HCFC2: variants seen among roughly 807,000 people sequenced by gnomAD.
The protein encoded by HCFC2 is host cell factor 2.
Under a neutral mutation model 89.2 loss-of-function variants are expected in HCFC2, and 18 were observed. That is an observed-to-expected ratio of 0.20 (90% confidence interval 0.14 to 0.30). HCFC2 has a LOEUF of 0.30. HCFC2 is among the 10% of genes least tolerant of loss of function. The probability of loss-of-function intolerance (pLI) is 1.00; values close to 1 mark genes in which losing one functional copy is unlikely to be tolerated. For synonymous variants in HCFC2, 308 were observed against 335.7 expected (o/e 0.92, Z 0.90); for missense variants, 578 against 956.1 (o/e 0.60, Z 5.21).
At chr12:104,102,394 T>C (rs925158704) in intron 14 of HCFC2, among the ~76,000 whole-genome samples, 2 of 152,188 alleles carry the variant, frequency 1.3e-5, no homozygotes, top group Non-Finnish European at 2.9e-5. Context: ...TGGGGGTTTG[T>C]TGTGCACATT....
At chr12:104,101,945 C>G (rs936909913) in intron 13 of HCFC2, 23 bp from the exon 14 acceptor site, 1 of 1,498,510 alleles carries the variant, frequency 6.7e-7, no homozygotes. Context: ...TTTTCTTTGA[C>G]TTTTGCATAT....
At chr12:104,084,560 A>G (rs928637322) in intron 7 of HCFC2, among the ~76,000 whole-genome samples, 2 of 152,190 alleles carry the variant, frequency 1.3e-5, no homozygotes, top group Admixed American at 6.5e-5. Context: ...ACCACAGGAT[A>G]TAGGGCCTTG....
chr12:104,098,687 T>C (rs1593612191), intron 13 of HCFC2, among the ~76,000 whole-genome samples: 1 of 152,208 alleles, frequency 6.6e-6, no homozygotes, highest in South Asian at 2.1e-4. Flanking sequence ...ATTAGGCCAT[T>C]CTCGCATTGC....
At chr12:104,093,238 A>G in intron 9 of HCFC2, 148 bp from the exon 10 acceptor site, 1 of 528,804 alleles carries the variant, frequency 1.9e-6, no homozygotes, top group Non-Finnish European at 3.2e-6. Context: ...ATTGAAGAAT[A>G]ATCCTGTAGA....
At chr12:104,094,919 C>T (rs1430860150) in intron 10 of HCFC2, among the ~76,000 whole-genome samples, 1 of 152,134 alleles carries the variant, frequency 6.6e-6, no homozygotes, top group Non-Finnish European at 1.5e-5. Context: ...CAGGAAGATA[C>T]ATTCAGATTT....
intron 7 of HCFC2, among the ~76,000 whole-genome samples, chr12:104,085,184 T>C (rs536777090): frequency 6.6e-6 from 1 of 152,356 alleles, no homozygotes; most frequent in Non-Finnish European, 1.5e-5. Flanking sequence ...ATACATTTTC[T>C]TCAAAGCTTT....
chr12:104,098,691 G>A (rs7961275), intron 13 of HCFC2, among the ~76,000 whole-genome samples: 1,751 of 152,238 alleles, frequency 0.012, 21 homozygotes, highest in African/African-American at 0.04. Context: ...GGCCATTCTC[G>A]CATTGCTGTA....
chr12:104,102,085 A>C lies in HCFC2; in HGVS notation c.1996A>C (p.Lys666Gln), dbSNP rs2029958803. The change falls in exon 14 of 15, where the codon AAA becomes CAA. Residue 666 changes from lysine to glutamine, a missense_variant. Physicochemically the swap from Lys to Gln is moderately conservative, Grantham distance 53 (BLOSUM62 1). Around this residue, in one of 4 missense-constraint regions of HCFC2, gnomAD observed 140 missense variants for 266.4 expected, o/e 0.53. Coordinates refer to ENST00000229330, the MANE Select transcript of HCFC2 (RefSeq NM_013320.3). The part of the protein sequence containing the change: ...INGCGIGPFS[K>Q]ISEFKTCIPG... ...TGGTTGTGGGATAGGTCCTTTCAGC[A>C]AAATCAGTGAATTTAAAACTTGTAT... 6.2e-7 allele frequency: 1 copy of C among 1,613,950 alleles called. No homozygotes were observed. Among genetic ancestry groups the C allele is most frequent in the African/African-American group, 1.3e-5 (1 of 74,922 alleles).
intron 11 of HCFC2, among the ~76,000 whole-genome samples, chr12:104,096,156 G>C (rs1448917307): frequency 6.6e-6 from 1 of 151,956 alleles, no homozygotes; most frequent in Admixed American, 6.6e-5. Flanking sequence ...TGAGTTAAAG[G>C]GTCAATATTA....
rs1488799519 is a variant in HCFC2 at position 104,103,617 on chromosome 12, A to G, written c.*344A>G. On this transcript the variant is annotated 3_prime_UTR_variant, in exon 15 of 15. Coordinates refer to ENST00000229330, the MANE Select transcript of HCFC2 (RefSeq NM_013320.3). Reference sequence around the variant, plus strand: ...TAGAGTTATTGAGATGATTCTGGTAACTGGCTGTTGTATACTATGCTGTCT... The same window carrying G: ...TAGAGTTATTGAGATGATTCTGGTAGCTGGCTGTTGTATACTATGCTGTCT... 1.3e-5 allele frequency: 3 copies of G among 238,332 alleles called. No homozygotes were observed. The highest frequency in any genetic ancestry group is 6.8e-5 in the African/African-American group (3 of 43,810). The allele number at this position is 238,332 out of a possible 1,614,324, so 14.8% of individuals were successfully genotyped here. A position where few individuals can be genotyped will look rare whatever the true frequency, so the allele number is the denominator to read the frequency against.
In HCFC2 at chr12:104,095,277, A is replaced by G. The variant is rs1001276608; in HGVS notation, c.1463-83A>G. The G allele has an allele frequency of 5.7e-6, 6 of 1,061,918 alleles. No homozygotes were observed. The African/African-American group carries it at 7.9e-5, about 14-fold the overall frequency. The allele number at this position is 1,061,918 out of a possible 1,614,324, so 65.8% of individuals were successfully genotyped here. A position where few individuals can be genotyped will look rare whatever the true frequency, so the allele number is the denominator to read the frequency against. On this transcript the variant is annotated intron_variant, in intron 10 of 14. Coordinates refer to ENST00000229330, the MANE Select transcript of HCFC2 (RefSeq NM_013320.3). This position sits in a 1 kb window ranked among gnomAD's most constrained non-coding sequence, Gnocchi z 4.2. ...GTATGATTTTAAAACTGAAAGTACC[A>G]AGAATCATATGACAAGAACGATAAG...
chr12:104,098,149 C>A, intron 12 of HCFC2, 194 bp from the exon 13 acceptor site: 1 of 456,980 alleles, frequency 2.2e-6, no homozygotes, highest in Non-Finnish European at 3.8e-6. Flanking sequence ...CCTGTCACTC[C>A]TGTGTTTGAA....
At position 104,066,258 on chromosome 12, in the gene HCFC2, A is replaced by C. The variant is rs769384943; in HGVS notation, c.255A>C (p.Leu85Phe). 2 of 1,611,520 alleles carry C rather than the reference A, an allele frequency of 1.2e-6. No homozygotes were observed. Among genetic ancestry groups the C allele is most frequent in the Non-Finnish European group, 1.7e-6 (2 of 1,178,682 alleles). The part of the protein sequence containing the change: ...HGFVCDGTRI[L>F]VFGGMVEYGR... ...TTGTCTGTGATGGTACCAGAATATT[A>C]GTATTTGGGGGAATGGTTGAATATG... is the stretch of plus-strand genomic sequence containing the variant. The change falls in exon 2 of 15, where the codon TTA (leucine) becomes TTC (phenylalanine). Residue 85 changes from leucine to phenylalanine, a missense_variant. Transcript: ENST00000229330.
intron 11 of HCFC2, 23 bp from the exon 12 acceptor site, chr12:104,096,337 C>T: frequency 1.3e-6 from 2 of 1,523,036 alleles, no homozygotes; most frequent in Non-Finnish European, 1.8e-6. Flanking sequence ...TAAATCTTAT[C>T]TGATAAATTG....
intron 13 of HCFC2, 52 bp downstream of exon 13, chr12:104,098,532 A>AT (rs772741071): frequency 6.7e-7 from 1 of 1,485,970 alleles, no homozygotes; most frequent in Non-Finnish European, 9.0e-7. Context: ...CAAGGATGAG[A>AT]TTTTTCTCTA....
chr12:104,098,549 A>G, intron 13 of HCFC2, 69 bp downstream of exon 13: 3 of 1,431,682 alleles, frequency 2.1e-6, no homozygotes, highest in Non-Finnish European at 2.8e-6. Context: ...TCTACCAATA[A>G]CTTAGGGAAA....
rs759703540 is a variant in HCFC2, at chr12:104,103,278, G to A, written c.*5G>A. 3.1e-6 allele frequency: 5 copies of A among 1,598,144 alleles called. No homozygotes were observed. In the South Asian group the frequency reaches 5.6e-5, roughly 18 times the overall value. ...AAGAAAGCACCTTTAAATTGAATTG[G>A]TTTTTTTACTGAAGCTATTGTGATG... On this transcript the variant is annotated 3_prime_UTR_variant, in exon 15 of 15. Coordinates refer to ENST00000229330, the MANE Select transcript of HCFC2 (RefSeq NM_013320.3).
intron 7 of HCFC2, among the ~76,000 whole-genome samples, chr12:104,086,596 GT>G (rs1387032160): frequency 6.8e-6 from 1 of 146,818 alleles, no homozygotes; most frequent in Non-Finnish European, 1.5e-5. Context: ...GGATTGTTTT[GT>G]TTATAGATAT....
rs35223676 is a variant in HCFC2, at chr12:104,102,946, C to T, written c.2065-13C>T. The T allele has an allele frequency of 0.12, 195,920 of 1,580,294 alleles. 12,864 individuals are homozygous for T. Among genetic ancestry groups the T allele is most frequent in the Middle Eastern group, 0.21 (1,259 of 5,890 alleles). Reference sequence around the variant, plus strand: ...TAAGAACCTTTAACCTGTTTTTTCCCCCCCCCTTCAAGAATGTTGAAGGTA... The same window carrying T: ...TAAGAACCTTTAACCTGTTTTTTCCTCCCCCCTTCAAGAATGTTGAAGGTA... On this transcript the variant is annotated splice_polypyrimidine_tract_variant and intron_variant, in intron 14 of 14. Transcript: ENST00000229330.
Sources: allele counts gnomAD v4.1 joint callset (sites outside exome capture counted in the v4.1 genomes callset), GRCh38; gene constraint gnomAD v4.1.1; regional missense constraint gnomAD v4.1.1; non-coding constraint Gnocchi (gnomAD v3.1); transcripts MANE v1.5; gene names NCBI Gene and HGNC (gene_info 2026-07-23, HGNC 2026-07-21).